Variants in KCNMA1 observed in about 807,000 individuals in gnomAD.
The protein encoded by KCNMA1 is potassium calcium-activated channel subfamily M alpha 1.
Under a neutral mutation model 140.0 loss-of-function variants are expected in KCNMA1, and 29 were observed. That is an observed-to-expected ratio of 0.21 (90% CI 0.15 to 0.28). KCNMA1 has a LOEUF of 0.28. Among genes scored for constraint, KCNMA1 ranks in the 10% least tolerant of loss-of-function variants. KCNMA1 has a pLI of 1.00. For synonymous variants in KCNMA1, 612 were observed against 611.9 expected, an observed-to-expected ratio of 1.00 and a Z score of 0.00; for missense variants, 880 against 1,602.2, an observed-to-expected ratio of 0.55 and a Z score of 7.70.
chr10:77,059,773 T>G (rs1249509214), intron 14 of KCNMA1, among the ~76,000 whole-genome samples: 1 of 152,072 alleles, frequency 6.6e-6, no homozygotes, highest in East Asian at 1.9e-4. Flanking sequence ...GTGAAAGAAA[T>G]GAATGTTTTC....
At chr10:76,873,823 A>T (rs1029345534), downstream of KCNMA1, 6 of 152,180 alleles carry the variant, frequency 3.9e-5, no homozygotes, top group African/African-American at 1.4e-4. Flanking sequence ...TTAAAATTAC[A>T]TTTGTGAATG....
chr10:77,547,337 G>A (rs753953141), intron 1 of KCNMA1, among the ~76,000 whole-genome samples: 1 of 152,196 alleles, frequency 6.6e-6, no homozygotes, highest in Non-Finnish European at 1.5e-5. Context: ...CACAGGCTTG[G>A]CTCAATGAAC....
At chr10:77,053,157 C>T (rs899792897) in intron 14 of KCNMA1, among the ~76,000 whole-genome samples, 2 of 151,116 alleles carry the variant, frequency 1.3e-5, no homozygotes, top group African/African-American at 2.4e-5. Flanking sequence ...GGCAAAGAGA[C>T]CCCTCCCTGT....
At chr10:77,103,670 A>T (rs144980012) in intron 9 of KCNMA1, among the ~76,000 whole-genome samples, 2 of 152,296 alleles carry the variant, frequency 1.3e-5, no homozygotes, top group African/African-American at 4.8e-5. Context: ...GGTGTGGTTC[A>T]TCTGTCTGTC....
chr10:77,629,282 T>A (rs2092909674), intron 1 of KCNMA1, among the ~76,000 whole-genome samples: 1 of 152,150 alleles, frequency 6.6e-6, no homozygotes, highest in Non-Finnish European at 1.5e-5. Flanking sequence ...TGCCCTTCCC[T>A]CCCGTGCCTG....
intron 2 of KCNMA1, among the ~76,000 whole-genome samples, chr10:77,320,820 T>C (rs2082136411): frequency 6.6e-6 from 1 of 152,210 alleles, no homozygotes; most frequent in Non-Finnish European, 1.5e-5. Context: ...AGGATCTTTA[T>C]AACACACCAA....
At chr10:77,339,154 A>G (rs2154373868) in intron 2 of KCNMA1, among the ~76,000 whole-genome samples, 1 of 152,036 alleles carries the variant, frequency 6.6e-6, no homozygotes, top group South Asian at 2.1e-4. Flanking sequence ...AATGCTTAGA[A>G]AAGCTCCATA....
chr10:77,405,427 C>T (rs1325830512), intron 1 of KCNMA1, among the ~76,000 whole-genome samples: 3 of 152,190 alleles, frequency 2.0e-5, no homozygotes, highest in African/African-American at 7.2e-5. Context: ...GAATGAATGA[C>T]TAGAAAGGGC....
At chr10:77,457,723 A>T (rs138088016) in intron 1 of KCNMA1, among the ~76,000 whole-genome samples, 1 of 152,016 alleles carries the variant, frequency 6.6e-6, no homozygotes, top group Non-Finnish European at 1.5e-5. Flanking sequence ...TCCCTCCAGC[A>T]CGGGCATTCT....
intron 3 of KCNMA1, among the ~76,000 whole-genome samples, chr10:77,220,959 T>C (rs926324499): frequency 2.6e-5 from 4 of 152,116 alleles, no homozygotes; most frequent in Admixed American, 1.3e-4. Flanking sequence ...CAGGTCTTAA[T>C]AGAGAGTGGA....
intron 10 of KCNMA1, among the ~76,000 whole-genome samples, chr10:77,088,643 G>T (rs1160002514): frequency 1.3e-5 from 2 of 151,798 alleles, no homozygotes; most frequent in African/African-American, 4.8e-5. Flanking sequence ...TGCCCAAGCT[G>T]GTCTTGAACT....
intron 9 of KCNMA1, 62 bp from the exon 10 acceptor site, chr10:77,090,572 C>A (rs369661866): frequency 6.5e-6 from 7 of 1,077,834 alleles, no homozygotes; most frequent in Non-Finnish European, 8.7e-6. Context: ...CATCCCACCC[C>A]CTGGCAAGAC....
chr10:77,313,982 C>T (rs2080066420), intron 2 of KCNMA1: 1 of 152,050 alleles, frequency 6.6e-6, no homozygotes, highest in Non-Finnish European at 1.5e-5. Context: ...TTCATGAGTC[C>T]TGACCGTCAT....
intron 12 of KCNMA1, among the ~76,000 whole-genome samples, chr10:77,084,391 C>G (rs1319809441): frequency 1.3e-5 from 2 of 152,206 alleles, no homozygotes; most frequent in African/African-American, 4.8e-5. Context: ...AAACCCAAGG[C>G]CAGCTGTAAG....
intron 14 of KCNMA1, among the ~76,000 whole-genome samples, chr10:77,045,125 C>A (rs2094964933): frequency 1.3e-5 from 2 of 152,208 alleles, no homozygotes; most frequent in South Asian, 4.1e-4. Flanking sequence ...TCCTAGCCTA[C>A]AACTTCTTTC....
chr10:77,086,303 G>A (rs550198023), intron 11 of KCNMA1, among the ~76,000 whole-genome samples, 185 bp downstream of exon 11: 200 of 152,270 alleles, frequency 1.3e-3, no homozygotes, highest in African/African-American at 4.5e-3. Context: ...TATGCCAGCA[G>A]AAGGAGGTCC....
At chr10:77,635,871 G>C (rs2093676797) in intron 1 of KCNMA1, 1 of 153,948 alleles carries the variant, frequency 6.5e-6, no homozygotes, top group Non-Finnish European at 1.4e-5. Context: ...AAACACAGCT[G>C]AGCTCCAGCA....
intron 14 of KCNMA1, among the ~76,000 whole-genome samples, chr10:77,058,243 T>C (rs9943330): frequency 0.018 from 2,666 of 152,034 alleles, 80 homozygotes; most frequent in African/African-American, 0.06. Context: ...TATATGCACT[T>C]AACAGACTTT....
intron 1 of KCNMA1, among the ~76,000 whole-genome samples, chr10:77,454,074 T>C (rs1238665670): frequency 6.6e-6 from 1 of 151,906 alleles, no homozygotes; most frequent in Non-Finnish European, 1.5e-5. Context: ...TCCCAGAAAA[T>C]AAGCTCAAGA....
Sources: allele counts gnomAD v4.1 joint callset (sites outside exome capture counted in the v4.1 genomes callset), GRCh38; gene constraint gnomAD v4.1.1; transcripts MANE v1.5; gene names NCBI Gene and HGNC (gene_info 2026-07-23, HGNC 2026-07-21).